Variants in FAT3 observed in about 807,000 individuals in gnomAD.
FAT3 encodes protocadherin Fat 3.
In FAT3, 95 loss-of-function variants were observed where a neutral mutation model predicts 310.2. The ratio of observed to expected loss-of-function variants is 0.31; its 90% CI spans 0.26 to 0.36. FAT3 has a LOEUF of 0.36. FAT3 is among the 10% of genes least tolerant of loss of function. The pLI is 1.00. For missense variants in FAT3, 5,408 were observed against 5,715.6 expected, an observed-to-expected ratio of 0.95 and a Z score of 1.74; for synonymous variants, 2,314 against 2,192.9, an observed-to-expected ratio of 1.06 and a Z score of -1.54.
chr11:92,482,508 C>T (rs995239362), intron 2 of FAT3, among the ~76,000 whole-genome samples: 1 of 152,164 alleles, frequency 6.6e-6, no homozygotes, highest in African/African-American at 2.4e-5. Flanking sequence ...AGTCATCTAG[C>T]AGGTGAGAAA....
intron 2 of FAT3, among the ~76,000 whole-genome samples, chr11:92,365,586 A>G (rs1185154475): frequency 2.6e-5 from 4 of 152,162 alleles, no homozygotes; most frequent in Admixed American, 6.5e-5. Flanking sequence ...TTAATTGCAT[A>G]TCATTCCTTT....
chr11:92,490,113 T>C (rs1163137739), intron 2 of FAT3, among the ~76,000 whole-genome samples: 1 of 152,128 alleles, frequency 6.6e-6, no homozygotes, highest in Non-Finnish European at 1.5e-5. Flanking sequence ...GTTGAAAATA[T>C]ACTTTTTTAA....
intron 3 of FAT3, among the ~76,000 whole-genome samples, chr11:92,683,461 A>G (rs561576234): frequency 1.9e-3 from 295 of 152,248 alleles, no homozygotes; most frequent in Middle Eastern, 6.8e-3. Flanking sequence ...TCCTTTTCTA[A>G]CTGGAAAACT....
chr11:92,654,713 C>T (rs1397319383), intron 3 of FAT3, among the ~76,000 whole-genome samples: 1 of 152,172 alleles, frequency 6.6e-6, no homozygotes, highest in African/African-American at 2.4e-5. Flanking sequence ...ATCTTCTCAC[C>T]CAGATTACTG....
At chr11:92,414,448 C>T (rs1200878155) in intron 2 of FAT3, among the ~76,000 whole-genome samples, 4 of 152,142 alleles carry the variant, frequency 2.6e-5, no homozygotes, top group Admixed American at 2.0e-4. Context: ...TCTTCTTTTG[C>T]CAAGCTCAGT....
chr11:92,631,857 G>A (rs571421758), intron 3 of FAT3, among the ~76,000 whole-genome samples: 2 of 152,262 alleles, frequency 1.3e-5, no homozygotes, highest in East Asian at 3.9e-4. Context: ...TTGGGAAAAT[G>A]GAGAGCTTCT....
intron 2 of FAT3, among the ~76,000 whole-genome samples, chr11:92,358,066 A>G (rs1218043368): frequency 1.3e-5 from 2 of 151,888 alleles, no homozygotes; most frequent in African/African-American, 4.8e-5. Flanking sequence ...ACAGTGACTC[A>G]GGAAGCTGAG....
intron 14 of FAT3, among the ~76,000 whole-genome samples, chr11:92,833,927 T>TA (rs1948331673): frequency 6.6e-6 from 1 of 152,226 alleles, no homozygotes; most frequent in Non-Finnish European, 1.5e-5. Context: ...AGGCTCTTGT[T>TA]ACAGGTATGA....
intron 3 of FAT3, among the ~76,000 whole-genome samples, chr11:92,603,274 G>A (rs554048693): frequency 6.6e-6 from 1 of 152,248 alleles, no homozygotes; most frequent in East Asian, 1.9e-4. Context: ...ATTTCTAGGG[G>A]CGTGCAATTT....
intron 3 of FAT3, among the ~76,000 whole-genome samples, chr11:92,634,339 G>C (rs1016244444): frequency 6.6e-6 from 1 of 152,122 alleles, no homozygotes; most frequent in Non-Finnish European, 1.5e-5. Context: ...ATGGTCAGTA[G>C]AAAAATTTGT....
intron 1 of FAT3, among the ~76,000 whole-genome samples, chr11:92,287,421 C>T (rs898778137): frequency 2.0e-5 from 3 of 152,122 alleles, no homozygotes; most frequent in Non-Finnish European, 4.4e-5. Flanking sequence ...AGCTGAAAAA[C>T]TTGTTCAGAA....
intron 2 of FAT3, among the ~76,000 whole-genome samples, chr11:92,445,226 A>G (rs1951181940): frequency 6.6e-6 from 1 of 152,204 alleles, no homozygotes; most frequent in African/African-American, 2.4e-5. Flanking sequence ...ACACTAATAC[A>G]CTGTTGTACG....
intron 2 of FAT3, among the ~76,000 whole-genome samples, chr11:92,492,317 T>C (rs1210575163): frequency 6.6e-6 from 1 of 151,790 alleles, no homozygotes; most frequent in Non-Finnish European, 1.5e-5. Flanking sequence ...CCATGCTCAC[T>C]AACCTTGGTT....
chr11:92,824,041 G>A (rs962314618), intron 13 of FAT3, among the ~76,000 whole-genome samples: 1 of 152,120 alleles, frequency 6.6e-6, no homozygotes, highest in Non-Finnish European at 1.5e-5. Flanking sequence ...TAGCCATTTT[G>A]TTTGCTTAAT....
chr11:92,620,899 G>A (rs995693846), intron 3 of FAT3, among the ~76,000 whole-genome samples: 1 of 152,158 alleles, frequency 6.6e-6, no homozygotes, highest in Non-Finnish European at 1.5e-5. Flanking sequence ...TTCCTGGATT[G>A]CAGAGAGCTG....
chr11:92,378,862 T>TGGAAG, intron 2 of FAT3, among the ~76,000 whole-genome samples: 2 of 152,300 alleles, frequency 1.3e-5, no homozygotes, highest in East Asian at 3.9e-4. Context: ...TTTTACATGG[T>TGGAAG]GGAAGGGATG....
At chr11:92,404,631 A>G (rs1463550096) in intron 2 of FAT3, among the ~76,000 whole-genome samples, 2 of 151,742 alleles carry the variant, frequency 1.3e-5, no homozygotes, top group African/African-American at 4.8e-5. Flanking sequence ...ACTTCCCATG[A>G]TGGCTAATTT....
At chr11:92,369,381 G>A (rs1949121622) in intron 2 of FAT3, among the ~76,000 whole-genome samples, 1 of 152,132 alleles carries the variant, frequency 6.6e-6, no homozygotes, top group Admixed American at 6.5e-5. Context: ...TAAGGTTGAT[G>A]CCAAAGAAAC....
rs1006372192 is a variant in FAT3 at position 92,447,228 on chromosome 11, T to C, written c.3293-77406T>C. Among the ~76,000 whole-genome samples the C allele has an allele frequency of 4.0e-5, 6 of 149,814 alleles. No individual in the cohort carries two copies. The East Asian group carries it at 6.2e-4, about 15-fold the overall frequency. ...ATGTGTATGTATATGTGTGCGTGTG[T>C]GTGTGTGTGTGTGTGTGTGTGTGTG... On this transcript the variant is annotated intron_variant, in intron 2 of 27. Transcript: ENST00000525166.
Sources: gnomAD v4.1 joint callset for allele counts (sites outside exome capture counted in the v4.1 genomes callset) on GRCh38, gnomAD v4.1.1 for gene constraint, MANE v1.5 for transcripts, NCBI Gene and HGNC (gene_info 2026-07-23, HGNC 2026-07-21) for gene names.